Variants in HMHB1 observed in about 807,000 individuals in gnomAD.
HMHB1 encodes the protein minor histocompatibility protein HB-1.
Under a neutral mutation model 2.4 loss-of-function variants are expected in HMHB1, and 4 were observed. That is an observed-to-expected ratio of 1.65 (90% CI 0.81 to 3.77). HMHB1 has a LOEUF of 3.77. Among genes scored for constraint, HMHB1 ranks in the 30% most tolerant of loss-of-function variants. The pLI is 0.01. For missense variants in HMHB1, 57 were observed against 44.2 expected (o/e 1.29, Z -0.82); for synonymous variants, 22 against 17.6 (o/e 1.25, Z -0.63).
intron 1 of HMHB1, among the ~76,000 whole-genome samples, 162 bp from the exon 2 acceptor site, chr5:143,820,318 T>TTAAAAAAAAAAAAAAAAAAAAAAA (rs1224094703): frequency 1.5e-4 from 7 of 47,576 alleles, no homozygotes; most frequent in African/African-American, 4.2e-4. Context: ...TCATCATAAG[T>TTAAAAAAAAAAAAAAAAAAAAAAA]AAAAAAAAAA....
intron 1 of HMHB1, among the ~76,000 whole-genome samples, chr5:143,814,152 A>C (rs1243886378): frequency 6.6e-6 from 1 of 152,262 alleles, no homozygotes; most frequent in Non-Finnish European, 1.5e-5. Flanking sequence ...AAGCATACTG[A>C]AATCACAACT....
intron 1 of HMHB1, among the ~76,000 whole-genome samples, chr5:143,820,104 G>A (rs1759791327): frequency 6.6e-6 from 1 of 151,804 alleles, no homozygotes; most frequent in African/African-American, 2.4e-5. Context: ...AATTCCATAT[G>A]AGCTAATTAT....
Position 143,820,692 on chromosome 5 carries a change from A to G in HMHB1, c.*124A>G. 1.7e-6 allele frequency: 1 copy of G among 586,530 alleles called. No individual in the cohort carries two copies. 36.3% of individuals were successfully genotyped at this position (586,530 alleles called of 1,614,324 possible). ...CATATGCCCTTTGCCTCTGCTCTGC[A>G]CAGTGAAATGAAAAGTCAACCTTTG... On this transcript the variant is annotated 3_prime_UTR_variant, in exon 2 of 2. Transcript: ENST00000289448.
intron 1 of HMHB1, among the ~76,000 whole-genome samples, chr5:143,816,567 G>A (rs1759751910): frequency 6.6e-6 from 1 of 152,078 alleles, no homozygotes. Flanking sequence ...GTATTCCATT[G>A]TATATATATA....
chr5:143,817,990 A>G (rs1759768221), intron 1 of HMHB1, among the ~76,000 whole-genome samples: 1 of 152,206 alleles, frequency 6.6e-6, no homozygotes, highest in Non-Finnish European at 1.5e-5. Flanking sequence ...TAAGACAGCA[A>G]TATCCCCAAA....
intron 1 of HMHB1, among the ~76,000 whole-genome samples, chr5:143,818,735 G>C (rs565484500): frequency 6.6e-6 from 1 of 151,928 alleles, no homozygotes; most frequent in South Asian, 2.1e-4. Context: ...TGTTTAGCCA[G>C]TTGCTTGACA....
chr5:143,813,887 T>C (rs955852866), intron 1 of HMHB1, among the ~76,000 whole-genome samples: 1 of 152,206 alleles, frequency 6.6e-6, no homozygotes, highest in African/African-American at 2.4e-5. Flanking sequence ...GAAGTACAGA[T>C]ATAACTCAGT....
intron 1 of HMHB1, 61 bp downstream of exon 1, chr5:143,812,365 G>T: frequency 7.1e-7 from 1 of 1,408,336 alleles, no homozygotes; most frequent in Non-Finnish European, 9.8e-7. Flanking sequence ...AAGGGGCAGA[G>T]AAAATGAAAG....
At position 143,815,872 on chromosome 5, in the gene HMHB1, A is replaced by C. The variant is rs1387127491; in HGVS notation, c.37+3568A>C. On this transcript the variant is annotated intron_variant, in intron 1 of 1. Transcript: ENST00000289448. The stretch of plus-strand genomic sequence containing the variant: ...CAGGCGCCCGCTACCGCACCCGGCT[A>C]ATTTTTTGTATTTTTAGTAGAGACG... 2.0e-5 allele frequency among the ~76,000 whole-genome samples: 3 copies of C among 150,388 alleles called. 1 individual carries two copies. Among genetic ancestry groups the C allele is most frequent in the African/African-American group, 7.5e-5 (3 of 40,262 alleles).
intron 1 of HMHB1, among the ~76,000 whole-genome samples, 162 bp from the exon 2 acceptor site, chr5:143,820,318 T>TAAAAAAAAAAAAAAAAAA (rs60960654): frequency 8.6e-4 from 41 of 47,574 alleles, no homozygotes; most frequent in South Asian, 5.2e-3. Flanking sequence ...TCATCATAAG[T>TAAAAAAAAAAAAAAAAAA]AAAAAAAAAA....
At chr5:143,820,420 T>C in intron 1 of HMHB1, 60 bp from the exon 2 acceptor site, 1 of 901,566 alleles carries the variant, frequency 1.1e-6, no homozygotes, top group South Asian at 1.4e-5. Flanking sequence ...TTAATCTAAA[T>C]AGAAAATACT....
At chr5:143,816,995 A>G (rs1759756441) in intron 1 of HMHB1, among the ~76,000 whole-genome samples, 1 of 152,122 alleles carries the variant, frequency 6.6e-6, no homozygotes, top group African/African-American at 2.4e-5. Context: ...GGCCATTTGT[A>G]TATCTTCTTC....
At chr5:143,815,038 A>G (rs1759732317) in intron 1 of HMHB1, among the ~76,000 whole-genome samples, 1 of 152,210 alleles carries the variant, frequency 6.6e-6, no homozygotes, top group South Asian at 2.1e-4. Context: ...TACTGTTCCC[A>G]AAGCTGGCAA....
intron 1 of HMHB1, among the ~76,000 whole-genome samples, chr5:143,815,334 G>C (rs1759734660): frequency 6.6e-6 from 1 of 152,140 alleles, no homozygotes; most frequent in Admixed American, 6.5e-5. Context: ...GGCTCTTAGG[G>C]AGAATCCTTT....
Position 143,820,547 on chromosome 5 carries a change from T to C in HMHB1, c.105T>C (p.Ser35=), listed in dbSNP as rs1759803118. 6.2e-7 allele frequency: 1 copy of C among 1,612,338 alleles called. No homozygotes were observed. Among genetic ancestry groups the C allele is most frequent in the Admixed American group, 1.7e-5 (1 of 59,964 alleles). Reference sequence around the variant, plus strand: ...ATGATGTGTATCTGAGGCACAGCTCTTCCCTGACTTATAGGCTTTGACACT... The same window carrying C: ...ATGATGTGTATCTGAGGCACAGCTCCTCCCTGACTTATAGGCTTTGACACT... Residue 35 remains serine (S), a synonymous_variant, in exon 2 of 2, where the codon TCT becomes TCC. Transcript: ENST00000289448.
chr5:143,818,359 C>T (rs935066842), intron 1 of HMHB1, among the ~76,000 whole-genome samples: 3 of 152,290 alleles, frequency 2.0e-5, no homozygotes, highest in African/African-American at 7.2e-5. Flanking sequence ...TTAGATCTAA[C>T]TCACCCACCT....
rs60960654 is a variant in HMHB1, at chr5:143,820,318, T to TAAAAAAAAAAAAA, written c.38-142_38-130dup. The stretch of plus-strand genomic sequence containing the variant: ...AGGTGCTGCCCCGGCTCATCATAAG[T>TAAAAAAAAAAAAA]AAAAAAAAAAAAAAAAAAAAAAAAA... On this transcript the variant is annotated intron_variant, in intron 1 of 1. Coordinates refer to ENST00000289448, the MANE Select transcript of HMHB1 (RefSeq NM_021182.3). Among the ~76,000 whole-genome samples the TAAAAAAAAAAAAA allele has an allele frequency of 1.1e-3, 50 of 47,570 alleles. 1 individual carries two copies. Among genetic ancestry groups the TAAAAAAAAAAAAA allele is most frequent in the East Asian group, 2.7e-3 (5 of 1,826 alleles). 31.2% of individuals were successfully genotyped at this position (47,570 alleles called of 152,430 possible).
chr5:143,812,349 G>A (rs1468922244), intron 1 of HMHB1, 45 bp downstream of exon 1: 7 of 1,510,698 alleles, frequency 4.6e-6, no homozygotes, highest in Admixed American at 3.9e-5. Flanking sequence ...AGGGAAAGAG[G>A]CAGCGAAGGG....
chr5:143,820,001 T>A (rs1455430945), intron 1 of HMHB1, among the ~76,000 whole-genome samples: 1 of 152,186 alleles, frequency 6.6e-6, no homozygotes, highest in Non-Finnish European at 1.5e-5. Context: ...TTTCTGCTAT[T>A]CAACAGTTAC....
Sources: allele counts gnomAD v4.1 joint callset (sites outside exome capture counted in the v4.1 genomes callset), GRCh38; gene constraint gnomAD v4.1.1; transcripts MANE v1.5; gene names NCBI Gene and HGNC (gene_info 2026-07-23, HGNC 2026-07-21).